The following POMK variants were observed in gnomAD, a reference collection of about 807,000 sequenced individuals.
POMK encodes the protein protein O-mannose kinase, also known as Sugen kinase 196.
Under a neutral mutation model 23.0 loss-of-function variants are expected in POMK, and 19 were observed. That is an observed-to-expected ratio of 0.83 (90% CI 0.58 to 1.21). POMK has a LOEUF of 1.21. Among genes scored for constraint, POMK ranks in the 50% most tolerant of loss-of-function variants. The probability of loss-of-function intolerance (pLI) is 0.00; values close to 1 mark genes in which losing one functional copy is unlikely to be tolerated. For missense variants in POMK, 410 were observed against 431.3 expected, an observed-to-expected ratio of 0.95 and a Z score of 0.44; for synonymous variants, 173 against 171.6, an observed-to-expected ratio of 1.01 and a Z score of -0.06.
At chr8:43,117,654 A>G (rs1475157934) in intron 4 of POMK, among the ~76,000 whole-genome samples, 3 of 152,248 alleles carry the variant, frequency 2.0e-5, no homozygotes, top group Non-Finnish European at 4.4e-5. Context: ...TGACAGCAGA[A>G]ATACAGAAAT....
chr8:43,099,668 GGGTGCAGT>G (rs1261470503), intron 2 of POMK, among the ~76,000 whole-genome samples: 1 of 152,212 alleles, frequency 6.6e-6, no homozygotes, highest in African/African-American at 2.4e-5. Context: ...AGGTCAGTTT[GGGTGCAGT>G]GGCAGTGAGT....
At chr8:43,104,643 A>G (rs1372257348) in intron 4 of POMK, among the ~76,000 whole-genome samples, 1 of 152,218 alleles carries the variant, frequency 6.6e-6, no homozygotes, top group Non-Finnish European at 1.5e-5. Flanking sequence ...TTACGTGTAT[A>G]TGTAGATAAA....
At chr8:43,109,569 GTC>G (rs1458921985) in intron 4 of POMK, among the ~76,000 whole-genome samples, 4 of 151,886 alleles carry the variant, frequency 2.6e-5, no homozygotes, top group African/African-American at 7.2e-5. Context: ...TCAAGACGCA[GTC>G]TCTCTCTGTT....
chr8:43,115,817 C>T (rs997262853), intron 4 of POMK, among the ~76,000 whole-genome samples: 1 of 152,210 alleles, frequency 6.6e-6, no homozygotes, highest in African/African-American at 2.4e-5. Context: ...AACGACAAGG[C>T]CCTGCGAGAC....
intron 2 of POMK, among the ~76,000 whole-genome samples, chr8:43,100,214 A>G (rs1026135109): frequency 1.3e-5 from 2 of 152,084 alleles, no homozygotes; most frequent in African/African-American, 4.8e-5. Context: ...AGCTTTGCCA[A>G]TGGGGGCCTG....
At chr8:43,109,252 A>T (rs979005020) in intron 4 of POMK, among the ~76,000 whole-genome samples, 1 of 152,236 alleles carries the variant, frequency 6.6e-6, no homozygotes, top group African/African-American at 2.4e-5. Flanking sequence ...TTTCAAAAGG[A>T]AAAACCATTA....
intron 4 of POMK, among the ~76,000 whole-genome samples, chr8:43,106,520 T>C (rs1465320317): frequency 2.7e-5 from 4 of 149,160 alleles, no homozygotes; most frequent in Non-Finnish European, 6.0e-5. Context: ...TTTTTTTTTT[T>C]TTTTTTTTTG....
Position 43,122,326 on chromosome 8 carries a change from A to T in POMK, c.502A>T (p.Lys168Ter), listed in dbSNP as rs756014333. The change falls in exon 5 of 5, where the codon AAG (lysine) becomes TAG (stop). Residue 168 changes from lysine (K) to a stop codon, truncating the protein, a stop_gained. Coordinates refer to ENST00000331373, the MANE Select transcript of POMK (RefSeq NM_032237.5). LOFTEE classifies it high-confidence loss of function. ...SNLEETLNLS[K>*]YQNVNTWQHR... ...CCTGGAAGAAACACTAAACCTTTCAAAGTACCAAAATGTGAACACGTGGCA... is the reference window on the plus strand; with the variant it reads ...CCTGGAAGAAACACTAAACCTTTCATAGTACCAAAATGTGAACACGTGGCA... The T allele has an allele frequency of 6.2e-7, 1 of 1,614,188 alleles. No individual in the cohort carries two copies. Among genetic ancestry groups the T allele is most frequent in the Non-Finnish European group, 8.5e-7 (1 of 1,180,046 alleles).
Position 43,122,389 on chromosome 8 carries a change from A to T in POMK, c.565A>T (p.Ile189Phe), listed in dbSNP as rs149297443. Residue 189 changes from isoleucine (I) to phenylalanine (F), a missense_variant, in exon 5 of 5, where the codon ATT (isoleucine) becomes TTT (phenylalanine). Physicochemically the swap from Ile to Phe is conservative, Grantham distance 21. Transcript: ENST00000331373. ...LELAMDYVSI[I>F]NYLHHSPVGT... ...GCTGGCCATGGACTATGTCAGCATC[A>T]TTAATTACCTGCACCACAGCCCTGT... 6 of 1,614,120 alleles carry T rather than the reference A, an allele frequency of 3.7e-6. No homozygotes were observed. The highest frequency in any genetic ancestry group is 5.1e-6 in the Non-Finnish European group (6 of 1,180,048).
chr8:43,102,346 C>T (rs1036675058), intron 2 of POMK, among the ~76,000 whole-genome samples, 159 bp from the exon 3 acceptor site: 43 of 152,214 alleles, frequency 2.8e-4, no homozygotes, highest in African/African-American at 9.6e-4. Flanking sequence ...GGCTTCCCCA[C>T]GGCCCTGCTC....
At chr8:43,117,820 G>A (rs968202988) in intron 4 of POMK, among the ~76,000 whole-genome samples, 5 of 152,238 alleles carry the variant, frequency 3.3e-5, no homozygotes, top group African/African-American at 1.2e-4. Flanking sequence ...ATCATGCGCT[G>A]CTGGTGAAAG....
intron 4 of POMK, among the ~76,000 whole-genome samples, chr8:43,104,135 T>G (rs1470634141): frequency 6.7e-6 from 1 of 150,252 alleles, no homozygotes; most frequent in African/African-American, 2.4e-5. Flanking sequence ...CACTTTATCT[T>G]TTTTTTTTTG....
intron 4 of POMK, among the ~76,000 whole-genome samples, chr8:43,118,510 C>T (rs11984550): frequency 0.048 from 7,233 of 152,078 alleles, 344 homozygotes; most frequent in African/African-American, 0.12. Context: ...AAAGTGTTCA[C>T]GATTAATTTT....
In POMK at chr8:43,103,745, A is replaced by G. The variant is rs775260814; in HGVS notation, c.197A>G (p.Lys66Arg). Residue 66 changes from lysine to arginine, a missense_variant, in exon 4 of 5, where the codon AAA becomes AGA. Transcript: ENST00000331373. ...GGTCACTTCAGGATAGGACAGATGAAAAACTGCTCACCTTGGCTGTCCTGC... is the reference window on the plus strand; with the variant it reads ...GGTCACTTCAGGATAGGACAGATGAGAAACTGCTCACCTTGGCTGTCCTGC... ...PYGHFRIGQM[K>R]NCSPWLSCEE... 8.1e-6 allele frequency: 13 copies of G among 1,614,122 alleles called. No homozygotes were observed. Among genetic ancestry groups the G allele is most frequent in the Admixed American group, 3.3e-5 (2 of 60,010 alleles).
rs1432951927 is a variant in POMK, at chr8:43,122,343, C to T, written c.519C>T (p.Asn173=). 1.2e-6 allele frequency: 2 copies of T among 1,614,234 alleles called. No homozygotes were observed. The highest frequency in any genetic ancestry group is 8.5e-7 in the Non-Finnish European group (1 of 1,180,042). ...TLNLSKYQNV[N]TWQHRLELAM... ...ACCTTTCAAAGTACCAAAATGTGAA[C>T]ACGTGGCAGCACAGGCTGGAGCTGG... is the stretch of plus-strand genomic sequence containing the variant. Residue 173 remains asparagine (N), a synonymous_variant, in exon 5 of 5, where the codon AAC becomes AAT. Coordinates refer to ENST00000331373, the MANE Select transcript of POMK (RefSeq NM_032237.5).
rs556348139 is a variant in POMK, at chr8:43,100,275, C to T, written c.-117-2230C>T. Among the ~76,000 whole-genome samples, 828 of 152,148 alleles carry T rather than the reference C, an allele frequency of 5.4e-3. 2 individuals carry two copies. Among genetic ancestry groups the T allele is most frequent in the Non-Finnish European group, 8.9e-3 (607 of 67,974 alleles). Reference sequence around the variant, plus strand: ...GTGATGAGCCTTATGGCAGGTGAGGCTCAAGGCCCAGTGTGTGCTTAGGGA... The same window carrying T: ...GTGATGAGCCTTATGGCAGGTGAGGTTCAAGGCCCAGTGTGTGCTTAGGGA... On this transcript the variant is annotated intron_variant, in intron 2 of 4. Coordinates refer to ENST00000331373, the MANE Select transcript of POMK (RefSeq NM_032237.5).
chr8:43,120,629 T>G (rs1167954030), intron 4 of POMK, among the ~76,000 whole-genome samples: 3 of 152,000 alleles, frequency 2.0e-5, no homozygotes, highest in African/African-American at 4.8e-5. Flanking sequence ...CCTGAGTAGC[T>G]GGGGGTACAT....
intron 4 of POMK, among the ~76,000 whole-genome samples, chr8:43,108,589 A>G (rs1254728728): frequency 6.6e-6 from 1 of 152,224 alleles, no homozygotes; most frequent in Non-Finnish European, 1.5e-5. Flanking sequence ...TTAAACAAAA[A>G]GGTTACTTCA....
rs138772640 is a variant in POMK at position 43,103,921 on chromosome 8, G to A, written c.282+91G>A. On this transcript the variant is annotated intron_variant, in intron 4 of 4. Transcript: ENST00000331373. ...TCCATCCATGCTGGCACGGATTACG[G>A]AATTTCATCCTTTGTTACTGCCAAA... The A allele has an allele frequency of 4.4e-3, 5,895 of 1,324,826 alleles. 28 individuals are homozygous for A. The highest frequency in any genetic ancestry group is 6.4e-3 in the Middle Eastern group (34 of 5,316). The allele number at this position is 1,324,826 out of a possible 1,614,324, so 82.1% of individuals were successfully genotyped here.
Sources: gnomAD v4.1 joint callset for allele counts (sites outside exome capture counted in the v4.1 genomes callset) on GRCh38, gnomAD v4.1.1 for gene constraint, MANE v1.5 for transcripts, NCBI Gene and HGNC (gene_info 2026-07-23, HGNC 2026-07-21) for gene names.